Variants in CHRNB1 observed in about 807,000 individuals in gnomAD.
CHRNB1 encodes the protein acetylcholine receptor subunit beta.
In CHRNB1, 47 loss-of-function variants were observed where a neutral mutation model predicts 53.8. The observed-to-expected ratio is 0.87, with a 90% CI of 0.69 to 1.11. The LOEUF (loss-of-function observed/expected upper bound fraction) is 1.11, where lower values mean the gene tolerates loss of function less well. Ranked by LOEUF, CHRNB1 falls within the 50% of genes most tolerant of loss-of-function variation. The pLI, the probability that CHRNB1 is intolerant of heterozygous loss-of-function variation, is 0.00. For synonymous variants in CHRNB1, 259 were observed against 263.5 expected (o/e 0.98, Z 0.16); for missense variants, 605 against 654.9 (o/e 0.92, Z 0.83).
In CHRNB1 at chr17:7,445,360, A is replaced by G; in HGVS notation, c.149A>G (p.Asp50Gly). The change falls in exon 2 of 11, where the codon GAC becomes GGC. Residue 50 changes from aspartate (D) to glycine (G), a missense_variant. Coordinates refer to ENST00000306071, the MANE Select transcript of CHRNB1 (RefSeq NM_000747.3). This position sits in a 1 kb window ranked among gnomAD's most constrained non-coding sequence, Gnocchi z 5.7. ...GTGCGGCCAGCGCGGGAGGTGGGAG[A>G]CCGTGTCAGGGTCAGCGTTGGTCTC... ...SSVRPAREVG[D>G]RVRVSVGLIL... is the part of the protein sequence containing the mutation. 1 of 1,612,600 alleles carries G rather than the reference A, an allele frequency of 6.2e-7. No homozygotes were observed. The highest frequency in any genetic ancestry group is 8.5e-7 in the Non-Finnish European group (1 of 1,179,736).
At chr17:7,447,001 C>T (rs1420091113) in intron 4 of CHRNB1, 42 bp from the exon 5 acceptor site, 2 of 1,607,542 alleles carry the variant, frequency 1.2e-6, no homozygotes, top group Non-Finnish European at 8.5e-7. Context: ...GGGGGGCCTC[C>T]GGGCGCGGGG....
At position 7,447,088 on chromosome 17, in the gene CHRNB1, G is replaced by A. The variant is rs377462093; in HGVS notation, c.399G>A (p.Val133=). 8.7e-6 allele frequency: 14 copies of A among 1,614,204 alleles called. No homozygotes were observed. The highest frequency in any genetic ancestry group is 1.2e-5 in the Non-Finnish European group (14 of 1,180,028). ...TGGCTCTGGACATTAGCGTCGTGGT[G>A]TCCTCCGACGGCTCCGTGCGTTGGC... ...FDVALDISVV[V]SSDGSVRWQP... Residue 133 remains valine (V), a synonymous_variant, in exon 5 of 11, where the codon GTG becomes GTA. Coordinates refer to ENST00000306071, the MANE Select transcript of CHRNB1 (RefSeq NM_000747.3).
At position 7,445,341 on chromosome 17, in the gene CHRNB1, C is replaced by A; in HGVS notation, c.130C>A (p.Pro44Thr). 1 of 1,613,110 alleles carries A rather than the reference C, an allele frequency of 6.2e-7. No individual in the cohort carries two copies. Among genetic ancestry groups the A allele is most frequent in the Non-Finnish European group, 8.5e-7 (1 of 1,179,846 alleles). ...LFSGYDSSVR[P>T]AREVGDRVRV... ...CTCTGGCTATGATAGCTCCGTGCGG[C>A]CAGCGCGGGAGGTGGGAGACCGTGT... Residue 44 changes from proline (P) to threonine (T), a missense_variant, in exon 2 of 11, where the codon CCA becomes ACA. Coordinates refer to ENST00000306071, the MANE Select transcript of CHRNB1 (RefSeq NM_000747.3). The surrounding 1 kb of genome is among the most constrained non-coding windows in gnomAD (Gnocchi z 5.7).
chr17:7,445,265 C>G lies in CHRNB1; in HGVS notation c.59-5C>G. 2.5e-6 allele frequency: 4 copies of G among 1,612,852 alleles called. No homozygotes were observed. The highest frequency in any genetic ancestry group is 1.7e-4 in the Middle Eastern group (1 of 6,058). On this transcript the variant is annotated splice_region_variant and splice_polypyrimidine_tract_variant and intron_variant, in intron 1 of 10. Transcript: ENST00000306071. This position sits in a 1 kb window ranked among gnomAD's most constrained non-coding sequence, Gnocchi z 5.7. ...CAGGGCTGCACTTATTCTCTCCTCC[C>G]CCAGGCGTCCGCGGCTCGGAGGCGG...
At chr17:7,452,194 T>G (rs1216888317) in intron 7 of CHRNB1, among the ~76,000 whole-genome samples, 1 of 152,012 alleles carries the variant, frequency 6.6e-6, no homozygotes, top group African/African-American at 2.4e-5. Flanking sequence ...TAGCTGGGAT[T>G]CCAGTCACAC....
In CHRNB1 at chr17:7,454,522, TAAGA is replaced by T. The variant is rs1311886791; in HGVS notation, c.1044+7_1044+10del. Reference sequence around the variant, plus strand: ...CAAATGCCCCTTTGGGTCCGTCAGGTAAGAAAGATCTCCTCCTCCAACCCCAATT... The same window carrying T: ...CAAATGCCCCTTTGGGTCCGTCAGGTAAGATCTCCTCCTCCAACCCCAATT... On this transcript the variant is annotated splice_donor_5th_base_variant and intron_variant, in intron 8 of 10. Transcript: ENST00000306071. 1 of 1,613,224 alleles carries T rather than the reference TAAGA, an allele frequency of 6.2e-7. No individual in the cohort carries two copies. The highest frequency in any genetic ancestry group is 8.5e-7 in the Non-Finnish European group (1 of 1,179,338).
rs376604413 is a variant in CHRNB1 at position 7,447,618 on chromosome 17, A to G, written c.578A>G (p.Gln193Arg). 38 of 1,614,112 alleles carry G rather than the reference A, an allele frequency of 2.4e-5. No homozygotes were observed. Among genetic ancestry groups the G allele is most frequent in the Non-Finnish European group, 3.1e-5 (36 of 1,180,052 alleles). Residue 193 changes from glutamine (Q) to arginine (R), a missense_variant, in exon 6 of 11, where the codon CAG (glutamine) becomes CGG (arginine). Transcript: ENST00000306071. ...TGLGPDGQGH[Q>R]EIHIHEGTFI... ...CTGGGTCCTGACGGGCAAGGGCATC[A>G]GGAAATCCACATTCATGAAGGGACT...
chr17:7,451,406 C>T (rs1232562401), intron 7 of CHRNB1, among the ~76,000 whole-genome samples: 5 of 151,510 alleles, frequency 3.3e-5, no homozygotes, highest in South Asian at 2.1e-4. Flanking sequence ...CCTCCCTCCC[C>T]GGTAGCCGGG....
At chr17:7,455,048 C>G (rs1001964095) in intron 8 of CHRNB1, among the ~76,000 whole-genome samples, 3 of 152,028 alleles carry the variant, frequency 2.0e-5, no homozygotes, top group Non-Finnish European at 4.4e-5. Flanking sequence ...GGTGATCCAC[C>G]TGCCTTGGCT....
intron 3 of CHRNB1, chr17:7,446,370 T>A (rs1037144138): frequency 5.2e-5 from 29 of 561,334 alleles, no homozygotes; most frequent in African/African-American, 5.1e-4. Flanking sequence ...TGTGTGTGTG[T>A]GTGATGCGGT....
In CHRNB1 at chr17:7,445,168, GGGC is replaced by G. The variant is rs767124946; in HGVS notation, c.43_45del (p.Ala15del). 73 of 1,609,424 alleles carry G rather than the reference GGGC, an allele frequency of 4.5e-5. No homozygotes were observed. The highest frequency in any genetic ancestry group is 2.2e-5 in the Non-Finnish European group (26 of 1,179,336). On this transcript the variant is annotated inframe_deletion, in exon 1 of 11. Transcript: ENST00000306071. This position sits in a 1 kb window ranked among gnomAD's most constrained non-coding sequence, Gnocchi z 5.7. ...CTGCTGATGCTGCTGGGGGCGCTGG[GGGC>G]GCCGCTCGCCCCAGGTAAGTGTAGG...
chr17:7,445,988 C>A lies in CHRNB1; in HGVS notation c.199-81C>A. On this transcript the variant is annotated intron_variant, in intron 2 of 10. Transcript: ENST00000306071. This position sits in a 1 kb window ranked among gnomAD's most constrained non-coding sequence, Gnocchi z 5.7. The stretch of plus-strand genomic sequence containing the variant: ...GCTCAGAAAAAGGGGGCGGCGTTCC[C>A]AGGAGAGAGGTTGGCCCCCCGAGCC... The A allele has an allele frequency of 2.4e-6, 3 of 1,268,876 alleles. No homozygotes were observed. The highest frequency in any genetic ancestry group is 1.7e-5 in the Admixed American group (1 of 59,392). 78.6% of individuals were successfully genotyped at this position (1,268,876 alleles called of 1,614,324 possible). A position where few individuals can be genotyped will look rare whatever the true frequency, so the allele number is the denominator to read the frequency against.
Position 7,445,951 on chromosome 17 carries a change from C to A in CHRNB1, c.199-118C>A. ...CGCTTCTGGGAGGTGGACTTGGACC[C>A]GAGAGGATGGGGCTCAGAAAAAGGG... is the stretch of plus-strand genomic sequence containing the variant. On this transcript the variant is annotated intron_variant, in intron 2 of 10. Transcript: ENST00000306071. The surrounding 1 kb of genome is among the most constrained non-coding windows in gnomAD (Gnocchi z 5.7). The A allele has an allele frequency of 2.2e-6, 2 of 895,250 alleles. No individual in the cohort carries two copies. Among genetic ancestry groups the A allele is most frequent in the South Asian group, 1.3e-5 (1 of 74,640 alleles). 55.5% of individuals were successfully genotyped at this position (895,250 alleles called of 1,614,324 possible).
Position 7,455,325 on chromosome 17 carries a change from G to A in CHRNB1, c.1086G>A (p.Arg362=). The change falls in exon 9 of 11, where the codon AGG becomes AGA. Residue 362 remains arginine, a synonymous_variant. Coordinates refer to ENST00000306071, the MANE Select transcript of CHRNB1 (RefSeq NM_000747.3). ...TTCCGCTGTACCTGCGTCTAAAAAG[G>A]CCCAAACCCGAGAGAGACCTGATGC... ...HKLPLYLRLK[R]PKPERDLMPE... 6.2e-7 allele frequency: 1 copy of A among 1,614,128 alleles called. No individual in the cohort carries two copies. The highest frequency in any genetic ancestry group is 1.1e-5 in the South Asian group (1 of 91,086).
chr17:7,457,056 G>A lies in CHRNB1; in HGVS notation c.*333G>A, dbSNP rs998768072. 22 of 321,164 alleles carry A rather than the reference G, an allele frequency of 6.9e-5. No homozygotes were observed. Among genetic ancestry groups the A allele is most frequent in the Non-Finnish European group, 1.1e-4 (18 of 165,190 alleles). 19.9% of individuals were successfully genotyped at this position (321,164 alleles called of 1,614,324 possible). On this transcript the variant is annotated 3_prime_UTR_variant, in exon 11 of 11. Transcript: ENST00000306071. ...GACTTGGCCGGGCGCGGTGGCTCAC[G>A]CCTGTAATCCCAGCACTTTGGGAGG... is the stretch of plus-strand genomic sequence containing the variant.
chr17:7,446,712 A>G (rs1232842332), intron 3 of CHRNB1, 121 bp from the exon 4 acceptor site: 2 of 744,096 alleles, frequency 2.7e-6, no homozygotes, highest in Non-Finnish European at 4.6e-6. Flanking sequence ...CGGCCCCTTG[A>G]CCCACAGTTT....
At chr17:7,454,617 T>G in intron 8 of CHRNB1, 97 bp downstream of exon 8, 1 of 991,904 alleles carries the variant, frequency 1.0e-6, no homozygotes, top group South Asian at 1.3e-5. Flanking sequence ...CCAAGCTTGT[T>G]GAGTGTTGAA....
At chr17:7,446,421 G>A (rs1908633017) in intron 3 of CHRNB1, 1 of 533,524 alleles carries the variant, frequency 1.9e-6, no homozygotes, top group Admixed American at 3.2e-5. Flanking sequence ...GCGGGGGCTC[G>A]AGCCATCCAC....
In CHRNB1 at chr17:7,445,749, G is replaced by A. The variant is rs984442185; in HGVS notation, c.199-320G>A. ...GTGGGGCGGAGCTTGGTGCTCAGGG[G>A]TCAATAAATGGCAGCGGGTGGAGGT... On this transcript the variant is annotated intron_variant, in intron 2 of 10. Coordinates refer to ENST00000306071, the MANE Select transcript of CHRNB1 (RefSeq NM_000747.3). The surrounding 1 kb of genome is among the most constrained non-coding windows in gnomAD (Gnocchi z 5.7). The A allele has an allele frequency of 7.0e-6, 5 of 714,352 alleles. No individual in the cohort carries two copies. The highest frequency in any genetic ancestry group is 1.1e-5 in the Non-Finnish European group (5 of 445,878). 44.3% of individuals were successfully genotyped at this position (714,352 alleles called of 1,614,324 possible). A position where few individuals can be genotyped will look rare whatever the true frequency, so the allele number is the denominator to read the frequency against.
Sources: allele counts gnomAD v4.1 joint callset (sites outside exome capture counted in the v4.1 genomes callset), GRCh38; gene constraint gnomAD v4.1.1; non-coding constraint Gnocchi (gnomAD v3.1); transcripts MANE v1.5; gene names NCBI Gene and HGNC (gene_info 2026-07-23, HGNC 2026-07-21).